Variants in TRIM44 observed in about 807,000 individuals in gnomAD.
TRIM44 encodes tripartite motif-containing protein 44.
In TRIM44, 13 loss-of-function variants were observed where a neutral mutation model predicts 37.4. The ratio of observed to expected loss-of-function variants is 0.35; its 90% CI spans 0.23 to 0.55. The LOEUF (loss-of-function observed/expected upper bound fraction) is 0.55, where lower values mean the gene tolerates loss of function less well. TRIM44 is among the 20% of genes least tolerant of loss of function. TRIM44 has a pLI of 0.89. For synonymous variants in TRIM44, 175 were observed against 157.2 expected (o/e 1.11, Z -0.85); for missense variants, 426 against 437.2 (o/e 0.97, Z 0.23).
intron 2 of TRIM44, among the ~76,000 whole-genome samples, chr11:35,723,119 C>A (rs1214707969): frequency 6.8e-6 from 1 of 147,896 alleles, no homozygotes; most frequent in East Asian, 2.1e-4. Flanking sequence ...CCTTCTCTTT[C>A]TTTTTCTTGT....
chr11:35,735,089 G>C (rs2296177), intron 3 of TRIM44, among the ~76,000 whole-genome samples: 64,391 of 152,052 alleles, frequency 0.42, 14,880 homozygotes, highest in African/African-American at 0.6. Flanking sequence ...TGTCTAAGAC[G>C]TGCCTCTATT....
At chr11:35,752,750 C>T (rs757271126) in intron 4 of TRIM44, among the ~76,000 whole-genome samples, 1 of 152,168 alleles carries the variant, frequency 6.6e-6, no homozygotes, top group Non-Finnish European at 1.5e-5. Flanking sequence ...CCTTTGTGCT[C>T]ATGTTCCCCT....
rs1055186577 is a variant in TRIM44 at position 35,813,472 on chromosome 11, C to A, written c.*7087C>A. On this transcript the variant is annotated 3_prime_UTR_variant, in exon 5 of 5. Coordinates refer to ENST00000299413, the MANE Select transcript of TRIM44 (RefSeq NM_017583.6). ...CCTCAGAACCTATTTGCTCTTCCTT[C>A]ACACATATTTCTAACTGTAAAGGAA... 6.6e-6 allele frequency: 1 copy of A among 152,172 alleles called. No individual in the cohort carries two copies. The highest frequency in any genetic ancestry group is 1.5e-5 in the Non-Finnish European group (1 of 68,038). 9.4% of individuals were successfully genotyped at this position (152,172 alleles called of 1,614,324 possible).
At chr11:35,795,926 A>G (rs1239801080) in intron 4 of TRIM44, among the ~76,000 whole-genome samples, 1 of 152,198 alleles carries the variant, frequency 6.6e-6, no homozygotes, top group Non-Finnish European at 1.5e-5. Context: ...ATATCTGCCA[A>G]CCACTTCATA....
intron 4 of TRIM44, among the ~76,000 whole-genome samples, chr11:35,778,728 A>G (rs61881283): frequency 0.12 from 18,804 of 152,010 alleles, 1,497 homozygotes; most frequent in Non-Finnish European, 0.17. Context: ...CTGGAGGTCC[A>G]CTCCAGTCCC....
intron 1 of TRIM44, among the ~76,000 whole-genome samples, chr11:35,668,562 T>C (rs769707894): frequency 4.6e-5 from 7 of 152,274 alleles, no homozygotes; most frequent in Non-Finnish European, 8.8e-5. Context: ...TTTTTATGGC[T>C]GCATAGTATT....
At chr11:35,754,444 C>A (rs1426706175) in intron 4 of TRIM44, among the ~76,000 whole-genome samples, 1 of 152,184 alleles carries the variant, frequency 6.6e-6, no homozygotes, top group Non-Finnish European at 1.5e-5. Flanking sequence ...CTTTCAAGGT[C>A]CCATTTAGTT....
At chr11:35,804,421 A>G (rs1476524715) in intron 4 of TRIM44, among the ~76,000 whole-genome samples, 1 of 152,232 alleles carries the variant, frequency 6.6e-6, no homozygotes, top group African/African-American at 2.4e-5. Context: ...CTCTCAGACA[A>G]AGGAACACAC....
chr11:35,678,600 C>T (rs976687119), intron 1 of TRIM44, among the ~76,000 whole-genome samples: 2 of 151,984 alleles, frequency 1.3e-5, no homozygotes, highest in Non-Finnish European at 2.9e-5. Flanking sequence ...TCCCTCTCCC[C>T]TCTCCCCGCT....
chr11:35,677,654 ATT>A (rs1851473345), intron 1 of TRIM44, among the ~76,000 whole-genome samples: 1 of 152,092 alleles, frequency 6.6e-6, no homozygotes, highest in Non-Finnish European at 1.5e-5. Flanking sequence ...AGTTAGTGGC[ATT>A]TCTTTTCTTT....
chr11:35,809,449 G>A lies in TRIM44; in HGVS notation c.*3064G>A, dbSNP rs1853500547. On this transcript the variant is annotated 3_prime_UTR_variant, in exon 5 of 5. Coordinates refer to ENST00000299413, the MANE Select transcript of TRIM44 (RefSeq NM_017583.6). ...AAATGACATTTCACAGTTATAGTTA[G>A]GGCTCAGAAATGGCATTGAGGTAGC... 1 of 152,102 alleles carries A rather than the reference G, an allele frequency of 6.6e-6. No homozygotes were observed. The highest frequency in any genetic ancestry group is 1.5e-5 in the Non-Finnish European group (1 of 68,028). 9.4% of individuals were successfully genotyped at this position (152,102 alleles called of 1,614,324 possible). A position where few individuals can be genotyped will look rare whatever the true frequency, so the allele number is the denominator to read the frequency against.
In TRIM44 at chr11:35,796,172, G is replaced by A. The variant is rs147127126; in HGVS notation, c.1008-10186G>A. Among the ~76,000 whole-genome samples the A allele has an allele frequency of 6.6e-5, 10 of 152,286 alleles. No homozygotes were observed. The East Asian group carries it at 1.9e-3, about 29-fold the overall frequency. On this transcript the variant is annotated intron_variant, in intron 4 of 4. Coordinates refer to ENST00000299413, the MANE Select transcript of TRIM44 (RefSeq NM_017583.6). ...CCAACTTCCTACAACTTCAGTTGAAGGTCATCATCATGGGACTCCCAAAGC... is the reference window on the plus strand; with the variant it reads ...CCAACTTCCTACAACTTCAGTTGAAAGTCATCATCATGGGACTCCCAAAGC...
At chr11:35,725,066 TCACACACACACACACACACACA>T (rs59413888) in intron 2 of TRIM44, among the ~76,000 whole-genome samples, 2 of 141,072 alleles carry the variant, frequency 1.4e-5, no homozygotes, top group East Asian at 2.0e-4. Flanking sequence ...ATGCACACAC[TCACACACACACACACACACACA>T]CACACACACA....
At chr11:35,729,987 T>C (rs1234116213) in intron 3 of TRIM44, among the ~76,000 whole-genome samples, 1 of 152,042 alleles carries the variant, frequency 6.6e-6, no homozygotes, top group Non-Finnish European at 1.5e-5. Context: ...AAAAATAAAA[T>C]GAAATGAAAA....
At chr11:35,724,525 C>T (rs1266085901) in intron 2 of TRIM44, among the ~76,000 whole-genome samples, 1 of 152,212 alleles carries the variant, frequency 6.6e-6, no homozygotes, top group East Asian at 1.9e-4. Flanking sequence ...ATCTCAGCTA[C>T]ACTCATAATA....
chr11:35,675,848 T>C (rs1851454287), intron 1 of TRIM44, among the ~76,000 whole-genome samples: 1 of 151,912 alleles, frequency 6.6e-6, no homozygotes, highest in Non-Finnish European at 1.5e-5. Flanking sequence ...TAAAGGGAAC[T>C]CTCGAGAAGT....
At chr11:35,716,677 C>T (rs1312251542) in intron 2 of TRIM44, among the ~76,000 whole-genome samples, 1 of 152,116 alleles carries the variant, frequency 6.6e-6, no homozygotes, top group Non-Finnish European at 1.5e-5. Flanking sequence ...GAAAATAAAA[C>T]TTGACTCCAG....
chr11:35,778,994 A>C (rs2133870618), intron 4 of TRIM44, among the ~76,000 whole-genome samples: 1 of 152,332 alleles, frequency 6.6e-6, no homozygotes, highest in South Asian at 2.1e-4. Flanking sequence ...GGGACACTTA[A>C]GTCTGCTTGT....
intron 2 of TRIM44, among the ~76,000 whole-genome samples, chr11:35,698,034 C>A (rs1371718673): frequency 6.6e-6 from 1 of 151,468 alleles, no homozygotes; most frequent in Non-Finnish European, 1.5e-5. Flanking sequence ...ACCACACTGA[C>A]TTCCACAGTG....
Sources: allele counts gnomAD v4.1 joint callset (sites outside exome capture counted in the v4.1 genomes callset), GRCh38; gene constraint gnomAD v4.1.1; transcripts MANE v1.5; gene names NCBI Gene and HGNC (gene_info 2026-07-23, HGNC 2026-07-21).